Variants in TECTB observed in about 807,000 individuals in gnomAD.
TECTB encodes beta-tectorin.
In TECTB, 45 loss-of-function variants were observed where a neutral mutation model predicts 43.3. That is an observed-to-expected ratio of 1.04 (90% CI 0.82 to 1.33). The LOEUF is 1.33. TECTB is among the 40% of genes most tolerant of loss of function. The pLI, the probability that TECTB is intolerant of heterozygous loss-of-function variation, is 0.00. For synonymous variants in TECTB, 169 were observed against 156.7 expected, an observed-to-expected ratio of 1.08 and a Z score of -0.59; for missense variants, 399 against 404.7, an observed-to-expected ratio of 0.99 and a Z score of 0.12.
chr10:112,301,240 C>G (rs1407779512), intron 9 of TECTB, among the ~76,000 whole-genome samples: 1 of 152,006 alleles, frequency 6.6e-6, no homozygotes, highest in Non-Finnish European at 1.5e-5. Flanking sequence ...CTGGCCCTGT[C>G]CCTACTAGAA....
intron 9 of TECTB, among the ~76,000 whole-genome samples, chr10:112,300,662 A>T (rs1406373297): frequency 6.6e-6 from 1 of 152,230 alleles, no homozygotes; most frequent in Admixed American, 6.5e-5. Flanking sequence ...GAGCACCCAC[A>T]TGATGCTCAA....
intron 7 of TECTB, among the ~76,000 whole-genome samples, chr10:112,297,240 A>T (rs1848556271): frequency 6.6e-6 from 1 of 152,164 alleles, no homozygotes; most frequent in Admixed American, 6.5e-5. Flanking sequence ...ACTAGATACC[A>T]GCAGCACTTC....
Position 112,283,744 on chromosome 10 carries a change from A to G in TECTB, c.10A>G (p.Lys4Glu), listed in dbSNP as rs1260949247. Residue 4 changes from lysine (K) to glutamate (E), a missense_variant, in exon 2 of 11, where the codon AAG becomes GAG. Lys to Glu is a moderately conservative substitution (Grantham distance 56). Transcript: ENST00000646139. MVTKAFVLLAIFAE... is the reference protein window; with the variant it reads MVTEAFVLLAIFAE... ...CAGGTTCTGAGAAGCAATGGTGACG[A>G]AGGCCTTTGTCTTGTTGGCCATCTT... The G allele has an allele frequency of 3.7e-6, 6 of 1,613,840 alleles. No homozygotes were observed. The South Asian group carries it at 4.4e-5, about 12-fold the overall frequency.
chr10:112,303,319 G>C lies in TECTB; in HGVS notation c.*7G>C. On this transcript the variant is annotated 3_prime_UTR_variant, in exon 11 of 11. Transcript: ENST00000646139. ...GATTTGTGCCGTGTTATAGGAGTTA[G>C]CCAGGCAGCTGCCGCTCCTCCACCC... 1 of 1,614,158 alleles carries C rather than the reference G, an allele frequency of 6.2e-7. No homozygotes were observed. The highest frequency in any genetic ancestry group is 8.5e-7 in the Non-Finnish European group (1 of 1,180,026).
In TECTB at chr10:112,293,789, G is replaced by T; in HGVS notation, c.535G>T (p.Glu179Ter). 1 of 1,614,134 alleles carries T rather than the reference G, an allele frequency of 6.2e-7. No individual in the cohort carries two copies. Among genetic ancestry groups the T allele is most frequent in the Non-Finnish European group, 8.5e-7 (1 of 1,180,028 alleles). The part of the protein sequence containing the change: ...KEAPFVLEAS[E>*]IGSDLFAGVE... ...AGCTCCCTTTGTCCTGGAGGCATCCGAAATCGGTTCAGATCTGTTTGCAGG... is the reference window on the plus strand; with the variant it reads ...AGCTCCCTTTGTCCTGGAGGCATCCTAAATCGGTTCAGATCTGTTTGCAGG... The change falls in exon 6 of 11, where the codon GAA becomes TAA. Residue 179 changes from glutamate (E) to a stop codon, truncating the protein, a stop_gained. Coordinates refer to ENST00000646139, the MANE Select transcript of TECTB (RefSeq NM_058222.3). LOFTEE classifies it high-confidence loss of function.
chr10:112,288,837 T>C (rs1451679891), intron 5 of TECTB, among the ~76,000 whole-genome samples: 1 of 152,196 alleles, frequency 6.6e-6, no homozygotes, highest in African/African-American at 2.4e-5. Flanking sequence ...CACTCACTCT[T>C]GACAATATCC....
At position 112,286,463 on chromosome 10, in the gene TECTB, G is replaced by A. The variant is rs185824940; in HGVS notation, c.483+72G>A. 5.6e-4 allele frequency: 829 copies of A among 1,488,536 alleles called. 2 individuals carry two copies. The highest frequency in any genetic ancestry group is 2.2e-3 in the Admixed American group (118 of 52,714). 92.2% of individuals were successfully genotyped at this position (1,488,536 alleles called of 1,614,324 possible). A position where few individuals can be genotyped will look rare whatever the true frequency, so the allele number is the denominator to read the frequency against. On this transcript the variant is annotated intron_variant, in intron 5 of 10. Transcript: ENST00000646139. ...CTAGGAGATGGTGGGATGCTTCCTCGGGATTCAGTCTTCCCCAAGCTCTGT... is the reference window on the plus strand; with the variant it reads ...CTAGGAGATGGTGGGATGCTTCCTCAGGATTCAGTCTTCCCCAAGCTCTGT...
At chr10:112,294,814 G>A (rs7075065) in intron 7 of TECTB, among the ~76,000 whole-genome samples, 78,184 of 152,002 alleles carry the variant, frequency 0.51, 20,650 homozygotes, top group East Asian at 0.74. Context: ...AGATGCTTCT[G>A]CAGGAATGAG....
chr10:112,298,072 C>T lies in TECTB; in HGVS notation c.675C>T (p.Cys225=). ...PLQWQLINKG[C]PTDETVLVHE... is the part of the protein sequence containing the mutation. The stretch of plus-strand genomic sequence containing the variant: ...CTTCTTTCCCCATCTGCCTCAGCTG[C>T]CCCACGGATGAAACCGTCCTCGTGC... Residue 225 remains cysteine (C), a synonymous_variant, in exon 8 of 11, where the codon TGC becomes TGT. Coordinates refer to ENST00000646139, the MANE Select transcript of TECTB (RefSeq NM_058222.3). 2.5e-6 allele frequency: 4 copies of T among 1,614,160 alleles called. No individual in the cohort carries two copies. The highest frequency in any genetic ancestry group is 3.4e-6 in the Non-Finnish European group (4 of 1,180,018).
intron 5 of TECTB, among the ~76,000 whole-genome samples, chr10:112,286,648 G>A (rs11195872): frequency 0.081 from 12,385 of 152,258 alleles, 685 homozygotes; most frequent in East Asian, 0.23. Context: ...GGCCAGGCGT[G>A]GTAGTTCACA....
At chr10:112,302,677 TATG>T (rs1188332328) in intron 10 of TECTB, 2 of 215,362 alleles carry the variant, frequency 9.3e-6, no homozygotes, top group East Asian at 2.1e-4. Context: ...CAGCCATGAT[TATG>T]ATGACTGTAC....
rs755783465 is a variant in TECTB, at chr10:112,299,541, T to C, written c.884T>C (p.Leu295Pro). The C allele has an allele frequency of 9.3e-6, 15 of 1,613,754 alleles. No individual in the cohort carries two copies. In the East Asian group the frequency reaches 3.1e-4, roughly 34 times the overall value. ...CTGCGAGACCAGACCGGGGGAGTCCTGGTCGTGGAGCTCTCCCTGCGGAGT... is the reference window on the plus strand; with the variant it reads ...CTGCGAGACCAGACCGGGGGAGTCCCGGTCGTGGAGCTCTCCCTGCGGAGT... ...RLLRDQTGGVLVVELSLRSRG... is the reference protein window; with the variant it reads ...RLLRDQTGGVPVVELSLRSRG... Residue 295 changes from leucine (L) to proline (P), a missense_variant, in exon 9 of 11, where the codon CTG becomes CCG. Transcript: ENST00000646139.
In TECTB at chr10:112,299,563, G is replaced by A. The variant is rs776953089; in HGVS notation, c.906G>A (p.Arg302=). Residue 302 remains arginine, a splice_region_variant and synonymous_variant, in exon 9 of 11, where the codon CGG becomes CGA. Transcript: ENST00000646139. ...TCCTGGTCGTGGAGCTCTCCCTGCG[G>A]AGTAAGCGTCTCTGTTTTCCTCTGT... The part of the protein sequence containing the change: ...GGVLVVELSL[R]SRGFSSLYSF... 3.8e-6 allele frequency: 6 copies of A among 1,578,552 alleles called. No homozygotes were observed. In the East Asian group the frequency reaches 1.2e-4, roughly 30 times the overall value.
chr10:112,300,282 A>G (rs112253288), intron 9 of TECTB, among the ~76,000 whole-genome samples: 674 of 65,856 alleles, frequency 0.01, 5 homozygotes, highest in Admixed American at 0.03. Context: ...AAGAAAGAAA[A>G]GAAAGAAAGA....
At chr10:112,297,038 G>A (rs547595206) in intron 7 of TECTB, among the ~76,000 whole-genome samples, 5 of 152,232 alleles carry the variant, frequency 3.3e-5, no homozygotes, top group South Asian at 2.1e-4. Flanking sequence ...GAATGGTTGC[G>A]TCTGTTTCCA....
chr10:112,294,084 G>A (rs755035580), intron 7 of TECTB, 23 bp downstream of exon 7: 46 of 1,604,442 alleles, frequency 2.9e-5, no homozygotes, highest in Non-Finnish European at 3.7e-5. Context: ...TCTAGAGACA[G>A]GGCTGAACAG....
intron 9 of TECTB, among the ~76,000 whole-genome samples, chr10:112,300,706 T>C (rs960512847): frequency 1.1e-4 from 17 of 152,334 alleles, no homozygotes; most frequent in Admixed American, 5.2e-4. Flanking sequence ...CATTGTAGCA[T>C]TTTAGATTTC....
Position 112,303,647 on chromosome 10 carries a change from C to T in TECTB, c.*335C>T. The T allele has an allele frequency of 3.3e-6, 1 of 299,010 alleles. No individual in the cohort carries two copies. Among genetic ancestry groups the T allele is most frequent in the Non-Finnish European group, 6.3e-6 (1 of 157,886 alleles). 18.5% of individuals were successfully genotyped at this position (299,010 alleles called of 1,614,324 possible). A position where few individuals can be genotyped will look rare whatever the true frequency, so the allele number is the denominator to read the frequency against. On this transcript the variant is annotated 3_prime_UTR_variant, in exon 11 of 11. Transcript: ENST00000646139. ...AAAGGTTAGCAGACCCAACCAAGTACTGCTGAGCATTTTGAAGAGAATGTA... is the reference window on the plus strand; with the variant it reads ...AAAGGTTAGCAGACCCAACCAAGTATTGCTGAGCATTTTGAAGAGAATGTA...
intron 5 of TECTB, among the ~76,000 whole-genome samples, chr10:112,293,405 C>T (rs371771533): frequency 2.1e-4 from 32 of 152,264 alleles, no homozygotes; most frequent in African/African-American, 6.7e-4. Flanking sequence ...TGTCCTTGGG[C>T]GATTCAGTAT....
Sources: allele counts gnomAD v4.1 joint callset (sites outside exome capture counted in the v4.1 genomes callset), GRCh38; gene constraint gnomAD v4.1.1; transcripts MANE v1.5; gene names NCBI Gene and HGNC (gene_info 2026-07-23, HGNC 2026-07-21).